The following NR6A1 variants were observed in gnomAD, a reference collection of about 807,000 sequenced individuals.
The protein encoded by NR6A1 is nuclear receptor subfamily 6 group A member 1.
In NR6A1, 7 loss-of-function variants were observed where a neutral mutation model predicts 59.1. The ratio of observed to expected loss-of-function variants is 0.12; its 90% CI spans 0.07 to 0.22. The LOEUF is 0.22. Ranked by LOEUF, NR6A1 falls within the 10% of genes least tolerant of loss-of-function variation. NR6A1 has a pLI of 1.00. For missense variants in NR6A1, 468 were observed against 611.6 expected (o/e 0.77, Z 2.48); for synonymous variants, 243 against 236.1 (o/e 1.03, Z -0.27).
intron 2 of NR6A1, among the ~76,000 whole-genome samples, chr9:124,722,377 T>A (rs182290160): frequency 6.6e-6 from 1 of 152,340 alleles, no homozygotes; most frequent in African/African-American, 2.4e-5. Flanking sequence ...ACATTTGGGC[T>A]TATATAAACT....
At chr9:124,596,361 A>G (rs1010606056) in intron 2 of NR6A1, among the ~76,000 whole-genome samples, 10 of 152,156 alleles carry the variant, frequency 6.6e-5, no homozygotes, top group Admixed American at 2.6e-4. Context: ...TCATTACAAT[A>G]AACAATGACA....
intron 2 of NR6A1, among the ~76,000 whole-genome samples, chr9:124,572,400 T>C (rs980838976): frequency 6.6e-6 from 1 of 152,030 alleles, no homozygotes; most frequent in African/African-American, 2.4e-5. Context: ...GGGAAGGAGG[T>C]AGATTTCAAA....
chr9:124,598,632 G>A (rs1588698644), intron 2 of NR6A1: 2 of 343,382 alleles, frequency 5.8e-6, no homozygotes, highest in Non-Finnish European at 5.4e-6. Flanking sequence ...CCAAAAAAGA[G>A]GGGCAGAGTA....
At chr9:124,738,580 A>G (rs1840080938) in intron 1 of NR6A1, among the ~76,000 whole-genome samples, 1 of 152,132 alleles carries the variant, frequency 6.6e-6, no homozygotes, top group Non-Finnish European at 1.5e-5. Flanking sequence ...TGAAAAAAGG[A>G]CACGGGGGCC....
intron 1 of NR6A1, among the ~76,000 whole-genome samples, chr9:124,760,181 G>C (rs942269113): frequency 6.6e-6 from 1 of 151,840 alleles, no homozygotes; most frequent in East Asian, 1.9e-4. Context: ...GCATGGTGGC[G>C]GGCACCTGTA....
At chr9:124,608,760 A>G (rs1835648005) in intron 2 of NR6A1, among the ~76,000 whole-genome samples, 1 of 152,154 alleles carries the variant, frequency 6.6e-6, no homozygotes, top group Admixed American at 6.5e-5. Context: ...ATTCCCACCA[A>G]CAGTATAAAA....
At chr9:124,654,474 T>C (rs1033601394) in intron 2 of NR6A1, among the ~76,000 whole-genome samples, 1 of 152,202 alleles carries the variant, frequency 6.6e-6, no homozygotes, top group Non-Finnish European at 1.5e-5. Context: ...ATTTTAGCCA[T>C]ACTACCCTTT....
chr9:124,743,388 T>C (rs918693411), intron 1 of NR6A1, among the ~76,000 whole-genome samples: 2 of 152,224 alleles, frequency 1.3e-5, no homozygotes, highest in African/African-American at 4.8e-5. Context: ...AGCTCTTTTC[T>C]CCACCTACAA....
chr9:124,556,167 T>C (rs1833918863), intron 2 of NR6A1, among the ~76,000 whole-genome samples: 1 of 152,244 alleles, frequency 6.6e-6, no homozygotes, highest in African/African-American at 2.4e-5. Flanking sequence ...TGTGATTGAA[T>C]TAAGAATCTT....
intron 2 of NR6A1, among the ~76,000 whole-genome samples, chr9:124,560,099 C>T (rs540810028): frequency 6.6e-6 from 1 of 152,170 alleles, no homozygotes; most frequent in East Asian, 1.9e-4. Flanking sequence ...AATTGCAATT[C>T]AAGATCTTCC....
At chr9:124,656,529 T>G (rs1245096016) in intron 2 of NR6A1, among the ~76,000 whole-genome samples, 1 of 152,002 alleles carries the variant, frequency 6.6e-6, no homozygotes, top group East Asian at 1.9e-4. Flanking sequence ...TCTAGAGTAG[T>G]CAAAAAGCAA....
At chr9:124,692,439 TGA>T (rs2131023769) in intron 2 of NR6A1, 1 of 527,898 alleles carries the variant, frequency 1.9e-6, no homozygotes, top group African/African-American at 1.9e-5. Context: ...GATGGGAGAA[TGA>T]AGAAGGGCTA....
intron 2 of NR6A1, among the ~76,000 whole-genome samples, chr9:124,682,447 A>G (rs1450507070): frequency 6.6e-6 from 1 of 152,200 alleles, no homozygotes; most frequent in Non-Finnish European, 1.5e-5. Flanking sequence ...TAACCCAAAC[A>G]GTATATTGTA....
At chr9:124,603,667 T>C (rs1271219964) in intron 2 of NR6A1, among the ~76,000 whole-genome samples, 1 of 152,154 alleles carries the variant, frequency 6.6e-6, no homozygotes, top group African/African-American at 2.4e-5. Context: ...CCAAGGACTG[T>C]GCCCCATATT....
intron 2 of NR6A1, among the ~76,000 whole-genome samples, chr9:124,633,005 G>T (rs1836491395): frequency 6.6e-6 from 1 of 152,148 alleles, no homozygotes; most frequent in South Asian, 2.1e-4. Context: ...GAAAAGAAAA[G>T]AAACAACCTT....
chr9:124,701,166 T>C (rs754171282), intron 2 of NR6A1, among the ~76,000 whole-genome samples: 2 of 152,246 alleles, frequency 1.3e-5, no homozygotes, highest in African/African-American at 2.4e-5. Flanking sequence ...ACTGCCAAAC[T>C]GATTTCCAAC....
chr9:124,569,804 T>C (rs778559909), intron 2 of NR6A1, among the ~76,000 whole-genome samples: 11 of 152,224 alleles, frequency 7.2e-5, no homozygotes, highest in Admixed American at 2.0e-4. Flanking sequence ...TTACATACCA[T>C]GTCCATTCCA....
intron 2 of NR6A1, among the ~76,000 whole-genome samples, chr9:124,654,056 TCGTTG>T: frequency 6.6e-6 from 1 of 152,334 alleles, no homozygotes; most frequent in African/African-American, 2.4e-5. Context: ...GAAGAAGCTC[TCGTTG>T]AACAAACCCT....
At chr9:124,557,173 G>GA (rs1833953634) in intron 2 of NR6A1, among the ~76,000 whole-genome samples, 1 of 152,070 alleles carries the variant, frequency 6.6e-6, no homozygotes, top group Non-Finnish European at 1.5e-5. Context: ...CTGTAGCCCA[G>GA]GCTGGAGTGC....
Sources: allele counts gnomAD v4.1 joint callset (sites outside exome capture counted in the v4.1 genomes callset), GRCh38; gene constraint gnomAD v4.1.1; transcripts MANE v1.5; gene names NCBI Gene and HGNC (gene_info 2026-07-23, HGNC 2026-07-21).